The following PTOV1 variants were observed in gnomAD, a reference collection of about 807,000 sequenced individuals.
PTOV1 encodes PTOV1 extended AT-hook containing adaptor protein.
Under a neutral mutation model 58.0 loss-of-function variants are expected in PTOV1, and 20 were observed. The observed-to-expected ratio is 0.34, with a 90% CI of 0.24 to 0.50. The LOEUF (loss-of-function observed/expected upper bound fraction) is 0.50. Among genes scored for constraint, PTOV1 ranks in the 20% least tolerant of loss-of-function variants. The pLI is 0.98. For synonymous variants in PTOV1, 335 were observed against 234.2 expected, an observed-to-expected ratio of 1.43 and a Z score of -3.93; for missense variants, 593 against 565.4, an observed-to-expected ratio of 1.05 and a Z score of -0.50.
intron 6 of PTOV1, 175 bp from the exon 7 acceptor site, chr19:49,857,518 G>A: frequency 1.5e-6 from 1 of 667,378 alleles, no homozygotes. Context: ...CCACTGGGGA[G>A]CCATGGGGGG....
exon 12 of PTOV1, chr19:49,860,308 A>G: frequency 6.5e-7 from 1 of 1,527,486 alleles, no homozygotes; most frequent in South Asian, 1.1e-5. Flanking sequence ...CCCCTCCAGG[A>G]GTCACAGATG....
intron 4 of PTOV1, 25 bp downstream of exon 4, chr19:49,854,913 T>TCCC (rs1568641067): frequency 1.3e-6 from 2 of 1,571,444 alleles, no homozygotes; most frequent in African/African-American, 1.4e-5. Context: ...TCCCACCCCA[T>TCCC]CCACTCTGAG....
At chr19:49,851,268 G>A in exon 1 of PTOV1, 1 of 1,095,176 alleles carries the variant, frequency 9.1e-7, no homozygotes, top group Non-Finnish European at 1.1e-6. Flanking sequence ...CTCAGTCGGT[G>A]GAGCCCGCAG....
intron 1 of PTOV1, among the ~76,000 whole-genome samples, chr19:49,853,931 C>T (rs2074357175): frequency 6.6e-6 from 1 of 152,210 alleles, no homozygotes; most frequent in Non-Finnish European, 1.5e-5. Context: ...TGACAGGGAG[C>T]TTTAGGAGAG....
intron 10 of PTOV1, 130 bp from the exon 11 acceptor site, chr19:49,859,856 T>G: frequency 4.2e-6 from 4 of 952,914 alleles, no homozygotes; most frequent in Non-Finnish European, 6.5e-6. Flanking sequence ...ACCTCCAGGG[T>G]GGGTGGGGGG....
intron 5 of PTOV1, among the ~76,000 whole-genome samples, chr19:49,855,886 G>A (rs886711556): frequency 1.3e-5 from 2 of 152,098 alleles, no homozygotes; most frequent in Non-Finnish European, 2.9e-5. Context: ...AGATTCTGGC[G>A]CAGGGCAGGT....
At chr19:49,860,377 CA>C in exon 12 of PTOV1, 3 of 761,416 alleles carry the variant, frequency 3.9e-6, no homozygotes, top group Non-Finnish European at 6.3e-6. Flanking sequence ...GACCCTGGGG[CA>C]TGTGGGGGGG....
At chr19:49,853,126 CA>C (rs1663698959) in intron 1 of PTOV1, 1 of 152,186 alleles carries the variant, frequency 6.6e-6, no homozygotes, top group African/African-American at 2.4e-5. Context: ...TCTTTTTAAG[CA>C]CTCACAAAAT....
chr19:49,859,961 T>C, intron 10 of PTOV1, 25 bp from the exon 11 acceptor site: 1 of 1,612,696 alleles, frequency 6.2e-7, no homozygotes, highest in Non-Finnish European at 8.5e-7. Context: ...TGCTGTCTGG[T>C]GACACCACGC....
At chr19:49,851,893 G>A (rs955431362) in intron 1 of PTOV1, 1 of 985,582 alleles carries the variant, frequency 1.0e-6, no homozygotes, top group Non-Finnish European at 1.2e-6. Flanking sequence ...CGGCGAGGGA[G>A]GGGCCCGCGC....
At chr19:49,850,846 C>T (rs1021370590), upstream of PTOV1, 43 of 1,534,894 alleles carry the variant, frequency 2.8e-5, no homozygotes, top group Admixed American at 3.7e-4. Context: ...TGTATTTTGG[C>T]GCGGTCTCCT....
chr19:49,858,527 G>C (rs753506079), intron 9 of PTOV1, 22 bp from the exon 10 acceptor site: 4 of 1,563,236 alleles, frequency 2.6e-6, no homozygotes, highest in Non-Finnish European at 3.5e-6. Flanking sequence ...CCAGAGCTGG[G>C]GGTCCCCTCG....
chr19:49,860,300 C>T (rs1395182818), exon 12 of PTOV1: 2 of 1,612,444 alleles, frequency 1.2e-6, no homozygotes, highest in Non-Finnish European at 1.7e-6. Context: ...GGGCTGGGCC[C>T]CTCCAGGAGT....
rs7256711 is a variant in PTOV1 at position 49,858,854 on chromosome 19, G to A, written c.1041+201G>A. On this transcript the variant is annotated intron_variant, in intron 10 of 11. Transcript: ENST00000391842. ...GATGGGGCACTGACCCTGGTTCTGC[G>A]GGGGCCTGCTCCTCCTCTGCCACAT... is the stretch of plus-strand genomic sequence containing the variant. The A allele has an allele frequency of 7.9e-3, 4,333 of 545,870 alleles. 143 individuals carry two copies. Among genetic ancestry groups the A allele is most frequent in the African/African-American group, 0.072 (3,820 of 53,112 alleles). The allele number at this position is 545,870 out of a possible 1,614,324, so 33.8% of individuals were successfully genotyped here.
rs559381206 is a variant in PTOV1 at position 49,854,970 on chromosome 19, A to G, written c.451A>G (p.Thr151Ala). The G allele has an allele frequency of 4.0e-6, 6 of 1,495,346 alleles. No homozygotes were observed. In the African/African-American group the frequency reaches 4.3e-5, roughly 11 times the overall value. The allele number at this position is 1,495,346 out of a possible 1,614,324, so 92.6% of individuals were successfully genotyped here. ...CAGCTGTCTGTCCTGTCGCCCCCAG[A>G]CCACCCTGGGCCCCCTGTTCCGGAA... Residue 151 changes from threonine (T) to alanine (A), a missense_variant and splice_region_variant, in exon 5 of 12, where the codon ACC becomes GCC. Coordinates refer to ENST00000391842, the Ensembl canonical transcript of PTOV1.
chr19:49,851,976 C>T (rs942637243), intron 1 of PTOV1: 2 of 985,304 alleles, frequency 2.0e-6, no homozygotes, highest in Non-Finnish European at 2.4e-6. Context: ...CCGTGGAGTG[C>T]GCACCTAGAA....
At chr19:49,854,798 G>T (rs2074389267) in intron 3 of PTOV1, 33 bp from the exon 4 acceptor site, 2 of 1,613,274 alleles carry the variant, frequency 1.2e-6, no homozygotes, top group Non-Finnish European at 1.7e-6. Context: ...GTGGGGATCA[G>T]GGCAGCCCTT....
At chr19:49,855,141 TCA>T in intron 5 of PTOV1, 64 bp downstream of exon 5, 1 of 1,461,258 alleles carries the variant, frequency 6.8e-7, no homozygotes, top group Non-Finnish European at 9.4e-7. Flanking sequence ...AGCGCTCTGC[TCA>T]CACAGTCCAG....
At position 49,851,883 on chromosome 19, in the gene PTOV1, C is replaced by T; in HGVS notation, c.171+384C>T. On this transcript the variant is annotated intron_variant, in intron 1 of 11. Transcript: ENST00000391842. ...AAATGGGGGCGGTTTTGGGGGACAG[C>T]GGCGAGGGAGGGGCCCGCGCTTTGT... 5 of 986,182 alleles carry T rather than the reference C, an allele frequency of 5.1e-6. No individual in the cohort carries two copies. The South Asian group carries it at 2.3e-4, about 46-fold the overall frequency. The allele number at this position is 986,182 out of a possible 1,614,324, so 61.1% of individuals were successfully genotyped here.
Sources: allele counts gnomAD v4.1 joint callset (sites outside exome capture counted in the v4.1 genomes callset), GRCh38; gene constraint gnomAD v4.1.1; transcripts MANE v1.5; gene names NCBI Gene and HGNC (gene_info 2026-07-23, HGNC 2026-07-21).